JMJD1C: variants seen among roughly 807,000 people sequenced by gnomAD.
JMJD1C encodes jumonji domain-containing protein 1C.
In JMJD1C, 31 loss-of-function variants were observed where a neutral mutation model predicts 245.3. That is an observed-to-expected ratio of 0.13 (90% confidence interval 0.09 to 0.17). The LOEUF (loss-of-function observed/expected upper bound fraction) is 0.17, where lower values mean the gene tolerates loss of function less well. Among genes scored for constraint, JMJD1C ranks in the 10% least tolerant of loss-of-function variants. JMJD1C has a pLI of 1.00. For synonymous variants in JMJD1C, 1,057 were observed against 1,017.4 expected (o/e 1.04, Z -0.74); for missense variants, 2,691 against 3,000.2 (o/e 0.90, Z 2.41).
At chr10:63,273,941 T>C (rs1360044316) in intron 2 of JMJD1C, among the ~76,000 whole-genome samples, 1 of 152,208 alleles carries the variant, frequency 6.6e-6, no homozygotes, top group Non-Finnish European at 1.5e-5. Context: ...TTTGGTTCCA[T>C]TTATCTTGGG....
intron 2 of JMJD1C, among the ~76,000 whole-genome samples, chr10:63,332,291 T>C (rs1052650159): frequency 1.3e-5 from 2 of 152,174 alleles, no homozygotes; most frequent in Non-Finnish European, 2.9e-5. Context: ...GTCACTAAAT[T>C]TGATGTCAAT....
At chr10:63,266,231 T>A (rs1455910318) in intron 2 of JMJD1C, among the ~76,000 whole-genome samples, 7 of 152,094 alleles carry the variant, frequency 4.6e-5, no homozygotes, top group Non-Finnish European at 1.0e-4. Context: ...CTCTCCCATA[T>A]CCTAGGCTAA....
chr10:63,189,479 G>A, intron 17 of JMJD1C, 33 bp from the exon 18 acceptor site: 1 of 1,550,100 alleles, frequency 6.5e-7, no homozygotes, highest in Non-Finnish European at 8.7e-7. Context: ...AAAAAAACCT[G>A]TTTTTGAGAG....
chr10:63,324,256 C>A (rs1941265195), intron 2 of JMJD1C, among the ~76,000 whole-genome samples: 1 of 151,770 alleles, frequency 6.6e-6, no homozygotes, highest in African/African-American at 2.4e-5. Flanking sequence ...CAGTCCTCAA[C>A]CAACACTATC....
intron 10 of JMJD1C, among the ~76,000 whole-genome samples, chr10:63,201,496 C>T (rs754057402): frequency 6.6e-6 from 1 of 152,162 alleles, no homozygotes; most frequent in Non-Finnish European, 1.5e-5. Context: ...TGCTCCATCA[C>T]ATTTACTGAC....
chr10:63,245,784 G>C (rs968152745), intron 3 of JMJD1C, among the ~76,000 whole-genome samples: 1 of 152,020 alleles, frequency 6.6e-6, no homozygotes, highest in Non-Finnish European at 1.5e-5. Flanking sequence ...GCCCGGCCGG[G>C]AACTCCTCTC....
At chr10:63,383,454 T>G (rs570325503) in intron 1 of JMJD1C, among the ~76,000 whole-genome samples, 1 of 152,252 alleles carries the variant, frequency 6.6e-6, no homozygotes, top group East Asian at 1.9e-4. Context: ...ATCCCACCAC[T>G]TTGGGAGACA....
intron 23 of JMJD1C, chr10:63,177,504 G>C (rs1328226027): frequency 3.7e-6 from 2 of 546,070 alleles, no homozygotes; most frequent in African/African-American, 3.8e-5. Context: ...TACCAACTGG[G>C]AACAAATCAC....
At chr10:63,500,746 AGGATGGATGGAT>A (rs780486083) in intron 1 of JMJD1C, among the ~76,000 whole-genome samples, 29 of 112,212 alleles carry the variant, frequency 2.6e-4, no homozygotes, top group African/African-American at 3.9e-4. Context: ...GATGGATGGA[AGGATGGATGGAT>A]GGATGGATGG....
intron 1 of JMJD1C, among the ~76,000 whole-genome samples, chr10:63,394,885 A>C (rs1948364773): frequency 6.6e-6 from 1 of 151,900 alleles, no homozygotes; most frequent in East Asian, 1.9e-4. Flanking sequence ...TCAAAATTGG[A>C]AACGTTTTAC....
intron 2 of JMJD1C, among the ~76,000 whole-genome samples, chr10:63,376,552 T>A (rs1026645964): frequency 6.6e-6 from 1 of 151,980 alleles, no homozygotes; most frequent in Admixed American, 6.5e-5. Context: ...CAAGAATACA[T>A]AGAGAAATCC....
chr10:63,252,089 T>A (rs1194228681), intron 3 of JMJD1C, among the ~76,000 whole-genome samples: 1 of 152,152 alleles, frequency 6.6e-6, no homozygotes, highest in East Asian at 1.9e-4. Context: ...AAATAAAGGC[T>A]GAAAGGGGAT....
At chr10:63,478,564 C>T (rs1422635610) in intron 1 of JMJD1C, among the ~76,000 whole-genome samples, 1 of 152,174 alleles carries the variant, frequency 6.6e-6, no homozygotes, top group East Asian at 1.9e-4. Context: ...CTTTTGCTTA[C>T]TGTTAATTAC....
At chr10:63,443,686 T>C (rs537419130) in intron 1 of JMJD1C, among the ~76,000 whole-genome samples, 3 of 152,332 alleles carry the variant, frequency 2.0e-5, no homozygotes, top group Admixed American at 2.0e-4. Flanking sequence ...ATGCCACTGG[T>C]AATTTACTCT....
chr10:63,472,961 T>C (rs184074919), intron 1 of JMJD1C, among the ~76,000 whole-genome samples: 57 of 151,980 alleles, frequency 3.8e-4, no homozygotes, highest in Admixed American at 8.5e-4. Context: ...ATTTTTGTAT[T>C]TTTAGTAGAG....
chr10:63,389,710 T>A (rs1466771470), intron 1 of JMJD1C, among the ~76,000 whole-genome samples: 2 of 151,970 alleles, frequency 1.3e-5, no homozygotes, highest in East Asian at 3.9e-4. Flanking sequence ...CAGACCACAA[T>A]GAAATAAAAC....
In JMJD1C at chr10:63,389,227, G is replaced by A. The variant is rs367837393; in HGVS notation, c.169-8745C>T. ...CTCAGGAGGCTGAGGCAGGAGAACC[G>A]CTTGAACCTGGAAGGCAGAGGTTAC... On this transcript the variant is annotated intron_variant, in intron 1 of 25. Transcript: ENST00000399262. Among the ~76,000 whole-genome samples the A allele has an allele frequency of 1.5e-4, 23 of 148,798 alleles. 1 individual carries two copies. The highest frequency in any genetic ancestry group is 2.7e-4 in the African/African-American group (11 of 40,540).
chr10:63,499,735 T>C (rs1954481672), intron 1 of JMJD1C, among the ~76,000 whole-genome samples: 1 of 152,222 alleles, frequency 6.6e-6, no homozygotes, highest in Admixed American at 6.5e-5. Flanking sequence ...CAAGCCCTGT[T>C]CATTAAGGAT....
chr10:63,374,749 T>C (rs967465456), intron 2 of JMJD1C, among the ~76,000 whole-genome samples: 15 of 152,190 alleles, frequency 9.9e-5, no homozygotes, highest in Non-Finnish European at 2.1e-4. Context: ...CCATTAAAAA[T>C]GATCCTAAAT....
Sources: allele counts gnomAD v4.1 joint callset (sites outside exome capture counted in the v4.1 genomes callset), GRCh38; gene constraint gnomAD v4.1.1; transcripts MANE v1.5; gene names NCBI Gene and HGNC (gene_info 2026-07-23, HGNC 2026-07-21).